The following NUP153 variants were observed in gnomAD, a reference collection of about 807,000 sequenced individuals.
NUP153 encodes the protein nuclear pore complex protein Nup153.
Under a neutral mutation model 134.6 loss-of-function variants are expected in NUP153, and 27 were observed. That is an observed-to-expected ratio of 0.20 (90% CI 0.15 to 0.28). The LOEUF is 0.28. NUP153 is among the 10% of genes least tolerant of loss of function. The probability of loss-of-function intolerance (pLI) is 1.00; values close to 1 mark genes in which losing one functional copy is unlikely to be tolerated. For synonymous variants in NUP153, 640 were observed against 623.5 expected (o/e 1.03, Z -0.40); for missense variants, 1,821 against 1,731.3 (o/e 1.05, Z -0.92).
At chr6:17,635,716 A>G (rs959433892) in intron 16 of NUP153, among the ~76,000 whole-genome samples, 17 of 152,178 alleles carry the variant, frequency 1.1e-4, no homozygotes, top group African/African-American at 3.6e-4. Flanking sequence ...TATATGATTG[A>G]TACCACTTCC....
At chr6:17,673,016 G>A (rs1768005070) in intron 5 of NUP153, among the ~76,000 whole-genome samples, 1 of 152,008 alleles carries the variant, frequency 6.6e-6, no homozygotes. Flanking sequence ...GACACCAAAA[G>A]CATGAAACCA....
At chr6:17,639,185 C>T (rs1356464895) in intron 15 of NUP153, among the ~76,000 whole-genome samples, 1 of 151,924 alleles carries the variant, frequency 6.6e-6, no homozygotes, top group Non-Finnish European at 1.5e-5. Context: ...TCAAGCAATT[C>T]TCCTGCCTCA....
At chr6:17,676,444 A>C (rs1768226989) in intron 2 of NUP153, among the ~76,000 whole-genome samples, 1 of 123,430 alleles carries the variant, frequency 8.1e-6, no homozygotes, top group Non-Finnish European at 1.8e-5. Context: ...TTAGAATTTA[A>C]TGCGTGTTGA....
At chr6:17,627,216 A>T (rs1459544515) in intron 18 of NUP153, among the ~76,000 whole-genome samples, 1 of 152,170 alleles carries the variant, frequency 6.6e-6, no homozygotes, top group Non-Finnish European at 1.5e-5. Flanking sequence ...TGTCTACCAT[A>T]GCCTGGTGTT....
At chr6:17,664,594 T>C (rs1449429509) in intron 9 of NUP153, among the ~76,000 whole-genome samples, 1 of 152,170 alleles carries the variant, frequency 6.6e-6, no homozygotes, top group East Asian at 1.9e-4. Context: ...ACTTAGGAGA[T>C]GCATATCAAA....
chr6:17,698,834 T>C (rs1377490503), intron 1 of NUP153, among the ~76,000 whole-genome samples: 2 of 149,888 alleles, frequency 1.3e-5, no homozygotes, highest in Non-Finnish European at 3.0e-5. Context: ...GATCGTGCCA[T>C]TGCACTCCAG....
Position 17,615,332 on chromosome 6 carries a change from G to A in NUP153, c.*765C>T, listed in dbSNP as rs984783612. On this transcript the variant is annotated 3_prime_UTR_variant, in exon 22 of 22. Transcript: ENST00000262077. This position sits in a 1 kb window ranked among gnomAD's most constrained non-coding sequence, Gnocchi z 5.7. ...ATGGGATTTACATAATAAAATCTGA[G>A]ACAAGACTAAACAAACAACAAAAAA... The A allele has an allele frequency of 2.6e-5, 4 of 152,022 alleles. No individual in the cohort carries two copies. The highest frequency in any genetic ancestry group is 7.3e-5 in the African/African-American group (3 of 41,216). The allele number at this position is 152,022 out of a possible 1,614,324, so 9.4% of individuals were successfully genotyped here.
intron 2 of NUP153, among the ~76,000 whole-genome samples, chr6:17,683,546 T>C (rs1287903828): frequency 1.3e-5 from 2 of 152,230 alleles, no homozygotes; most frequent in South Asian, 4.1e-4. Flanking sequence ...TCTCAACAAC[T>C]GGCTTAAAAT....
intron 1 of NUP153, among the ~76,000 whole-genome samples, chr6:17,703,952 C>T (rs868753421): frequency 4.6e-5 from 7 of 152,182 alleles, no homozygotes; most frequent in Admixed American, 2.0e-4. Context: ...GCTGTTAAGA[C>T]ATCATCTCCC....
At chr6:17,681,648 T>C (rs541316970) in intron 2 of NUP153, among the ~76,000 whole-genome samples, 1 of 152,242 alleles carries the variant, frequency 6.6e-6, no homozygotes, top group South Asian at 2.1e-4. Flanking sequence ...GGTATAGGTA[T>C]TTAAACCAAT....
In NUP153 at chr6:17,629,307, T is replaced by C. The variant is rs370880717; in HGVS notation, c.2892A>G (p.Ser964=). 20 of 1,607,468 alleles carry C rather than the reference T, an allele frequency of 1.2e-5. No homozygotes were observed. The African/African-American group carries it at 2.4e-4, about 19-fold the overall frequency. The part of the protein sequence containing the change: ...KPIGDFKFGV[S]SESKPEEVKK... ...TAACTTCTTCGGGCTTAGATTCAGA[T>C]GAAACTCCAAATTTAAAATCTCCTA... Residue 964 remains serine (S), a synonymous_variant, in exon 18 of 22, where the codon TCA becomes TCG. Coordinates refer to ENST00000262077, the MANE Select transcript of NUP153 (RefSeq NM_005124.4).
At chr6:17,690,270 T>TGAACCCGGGTGGCGTAGCTTGCAGTGA (rs146486464) in intron 1 of NUP153, among the ~76,000 whole-genome samples, 29,424 of 151,418 alleles carry the variant, frequency 0.19, 3,708 homozygotes, top group Non-Finnish European at 0.27. Flanking sequence ...GAGAATGGCG[T>TGAACCCGGGTGGCGTAGCTTGCAGTGA]GAACCCGGGT....
At chr6:17,651,867 G>C (rs1376530834) in intron 11 of NUP153, 8 of 675,552 alleles carry the variant, frequency 1.2e-5, no homozygotes, top group Admixed American at 2.0e-5. Flanking sequence ...GCCAAGATGG[G>C]ATGATCGCTT....
At chr6:17,646,808 C>A (rs923351791) in intron 13 of NUP153, among the ~76,000 whole-genome samples, 2 of 151,514 alleles carry the variant, frequency 1.3e-5, no homozygotes, top group Admixed American at 1.3e-4. Context: ...GGCACAATCT[C>A]GGCTCACTGC....
intron 11 of NUP153, among the ~76,000 whole-genome samples, chr6:17,651,358 AAAT>A (rs1333523645): frequency 6.6e-6 from 1 of 152,006 alleles, no homozygotes; most frequent in African/African-American, 2.4e-5. Context: ...TTAAATAATT[AAAT>A]AATAAATATT....
intron 1 of NUP153, among the ~76,000 whole-genome samples, chr6:17,703,655 TAAA>T (rs57394467): frequency 7.0e-6 from 1 of 142,078 alleles, no homozygotes; most frequent in Non-Finnish European, 1.5e-5. Context: ...TTTTTAAGAT[TAAA>T]AAAAAAAAAA....
chr6:17,695,557 A>G (rs1336660421), intron 1 of NUP153, among the ~76,000 whole-genome samples: 1 of 152,254 alleles, frequency 6.6e-6, no homozygotes, highest in African/African-American at 2.4e-5. Flanking sequence ...AAAATCAATG[A>G]GAAGTTAACA....
At chr6:17,637,809 C>G (rs1231900283) in intron 15 of NUP153, 39 bp from the exon 16 acceptor site, 7 of 1,539,144 alleles carry the variant, frequency 4.5e-6, no homozygotes, top group Non-Finnish European at 6.1e-6. Context: ...GTTAGAGAAG[C>G]TTTATAAATC....
At chr6:17,665,457 T>C (rs1469138083) in intron 8 of NUP153, 72 bp from the exon 9 acceptor site, 5 of 1,232,460 alleles carry the variant, frequency 4.1e-6, no homozygotes, top group African/African-American at 3.0e-5. Context: ...ATTTTGACAA[T>C]AGCTAACATG....
Sources: gnomAD v4.1 joint callset for allele counts (sites outside exome capture counted in the v4.1 genomes callset) on GRCh38, gnomAD v4.1.1 for gene constraint, Gnocchi (gnomAD v3.1) non-coding constraint, MANE v1.5 for transcripts, NCBI Gene and HGNC (gene_info 2026-07-23, HGNC 2026-07-21) for gene names.